The following CHRNB3 variants were observed in gnomAD, a reference collection of about 807,000 sequenced individuals.
CHRNB3 encodes the protein cholinergic receptor nicotinic beta 3 subunit, also known as neuronal acetylcholine receptor subunit beta-3.
CHRNB3 carries 37 observed loss-of-function variants against 40.6 expected under a neutral mutation model. The observed-to-expected ratio is 0.91, with a 90% confidence interval of 0.70 to 1.20. The LOEUF (loss-of-function observed/expected upper bound fraction) is 1.20, where lower values mean the gene tolerates loss of function less well. CHRNB3 is among the 50% of genes most tolerant of loss of function. CHRNB3 has a pLI of 0.00. For missense variants in CHRNB3, 505 were observed against 551.2 expected, an observed-to-expected ratio of 0.92 and a Z score of 0.84; for synonymous variants, 207 against 207.1, an observed-to-expected ratio of 1.00 and a Z score of 0.00.
chr8:42,706,135 T>C (rs1815918651), intron 1 of CHRNB3: 1 of 152,310 alleles, frequency 6.6e-6, no homozygotes, highest in Non-Finnish European at 1.5e-5. Flanking sequence ...AAATGACATT[T>C]GAGCAAAGAC....
At chr8:42,726,756 C>T (rs968914723) in intron 3 of CHRNB3, among the ~76,000 whole-genome samples, 2 of 152,124 alleles carry the variant, frequency 1.3e-5, no homozygotes, top group South Asian at 2.1e-4. Context: ...TGCCAAAGTG[C>T]TGGGATTACA....
At chr8:42,700,558 G>A (rs1213081129) in intron 1 of CHRNB3, among the ~76,000 whole-genome samples, 1 of 151,980 alleles carries the variant, frequency 6.6e-6, no homozygotes, top group African/African-American at 2.4e-5. Context: ...GACCTTAGGA[G>A]ATCCACCCGC....
chr8:42,724,640 C>T (rs1040229150), intron 3 of CHRNB3, among the ~76,000 whole-genome samples: 7 of 152,060 alleles, frequency 4.6e-5, no homozygotes, highest in East Asian at 1.9e-4. Flanking sequence ...ACTCCTTCCT[C>T]CATGGAATGT....
chr8:42,725,700 C>T, intron 3 of CHRNB3: 2 of 929,236 alleles, frequency 2.2e-6, no homozygotes, highest in Non-Finnish European at 1.7e-6. Flanking sequence ...AATGCTTCTC[C>T]AGGTGCTCCT....
At chr8:42,707,014 C>T (rs1815932763) in intron 1 of CHRNB3, among the ~76,000 whole-genome samples, 1 of 152,206 alleles carries the variant, frequency 6.6e-6, no homozygotes, top group Non-Finnish European at 1.5e-5. Flanking sequence ...CCACCTTAGC[C>T]TCCCAAAGTG....
chr8:42,735,142 C>T (rs976514748), intron 5 of CHRNB3, among the ~76,000 whole-genome samples: 20 of 151,818 alleles, frequency 1.3e-4, no homozygotes, highest in Non-Finnish European at 2.9e-5. Flanking sequence ...ATGGTGTGAA[C>T]CCGGGAGACG....
intron 5 of CHRNB3, among the ~76,000 whole-genome samples, chr8:42,733,324 G>A (rs145449105): frequency 0.012 from 1,836 of 152,010 alleles, 88 homozygotes; most frequent in East Asian, 0.068. Flanking sequence ...TAAAAGAGAA[G>A]GAGAAAGAAA....
chr8:42,713,053 G>T (rs1318422375), intron 3 of CHRNB3, among the ~76,000 whole-genome samples: 2 of 151,670 alleles, frequency 1.3e-5, no homozygotes, highest in Non-Finnish European at 2.9e-5. Flanking sequence ...GTAGAGACGG[G>T]GTTTCAGCAT....
chr8:42,700,481 C>G (rs1303346032), intron 1 of CHRNB3, among the ~76,000 whole-genome samples: 2 of 151,704 alleles, frequency 1.3e-5, no homozygotes, highest in Non-Finnish European at 2.9e-5. Flanking sequence ...ACCATCACAC[C>G]TAATTCTTTT....
intron 3 of CHRNB3, among the ~76,000 whole-genome samples, chr8:42,723,877 G>A (rs1184814785): frequency 6.6e-6 from 1 of 152,130 alleles, no homozygotes; most frequent in East Asian, 1.9e-4. Flanking sequence ...CCTGAAGTCA[G>A]GAGTTCAAGA....
At chr8:42,711,842 TCCTCCTTC>T (rs1402433651) in intron 3 of CHRNB3, among the ~76,000 whole-genome samples, 1 of 150,778 alleles carries the variant, frequency 6.6e-6, no homozygotes, top group Non-Finnish European at 1.5e-5. Flanking sequence ...TCCCCTCCCT[TCCTCCTTC>T]CCTCCCTTCC....
intron 5 of CHRNB3, among the ~76,000 whole-genome samples, chr8:42,735,628 G>A (rs1017199220): frequency 6.6e-6 from 1 of 152,068 alleles, no homozygotes; most frequent in Non-Finnish European, 1.5e-5. Context: ...CTAGAGGGAT[G>A]AGGACTCCCC....
chr8:42,735,014 A>T (rs566196597), intron 5 of CHRNB3, among the ~76,000 whole-genome samples: 2 of 150,320 alleles, frequency 1.3e-5, no homozygotes, highest in African/African-American at 4.9e-5. Flanking sequence ...AGGTCAGGAG[A>T]CGGAGACCAT....
At chr8:42,699,647 C>G (rs1394065896) in intron 1 of CHRNB3, 2 of 152,134 alleles carry the variant, frequency 1.3e-5, no homozygotes, top group Admixed American at 6.5e-5. Flanking sequence ...GTAATCCCAG[C>G]TGCTCGGGAG....
intron 3 of CHRNB3, among the ~76,000 whole-genome samples, chr8:42,724,012 G>A (rs1243925380): frequency 6.6e-6 from 1 of 152,002 alleles, no homozygotes; most frequent in Admixed American, 6.6e-5. Context: ...CTTGAACCCT[G>A]GAGGCAGAGG....
chr8:42,699,882 CTTTTTT>C (rs576300946), intron 1 of CHRNB3, among the ~76,000 whole-genome samples: 2 of 117,554 alleles, frequency 1.7e-5, no homozygotes, highest in Non-Finnish European at 1.8e-5. Flanking sequence ...TTGTGGTATG[CTTTTTT>C]TTTTTTTTTT....
chr8:42,697,903 G>T (rs184608118), intron 1 of CHRNB3, among the ~76,000 whole-genome samples: 45 of 152,244 alleles, frequency 3.0e-4, no homozygotes, highest in Admixed American at 2.2e-3. Flanking sequence ...AATGCACTGA[G>T]CATTACTCAG....
chr8:42,729,058 A>G (rs1359822007), intron 3 of CHRNB3, among the ~76,000 whole-genome samples: 1 of 152,078 alleles, frequency 6.6e-6, no homozygotes, highest in East Asian at 1.9e-4. Flanking sequence ...AACATGGTGA[A>G]TACTTTATTA....
At chr8:42,711,994 T>C (rs900770701) in intron 3 of CHRNB3, among the ~76,000 whole-genome samples, 17 of 152,006 alleles carry the variant, frequency 1.1e-4, no homozygotes, top group East Asian at 7.7e-4. Context: ...TGTTTGTTTT[T>C]CTTTTTCTTT....
Sources: gnomAD v4.1 joint callset for allele counts (sites outside exome capture counted in the v4.1 genomes callset) on GRCh38, gnomAD v4.1.1 for gene constraint, MANE v1.5 for transcripts, NCBI Gene and HGNC (gene_info 2026-07-23, HGNC 2026-07-21) for gene names.